FNDC3A: variants seen among roughly 807,000 people sequenced by gnomAD.
FNDC3A encodes fibronectin type-III domain-containing protein 3A.
In FNDC3A, 32 loss-of-function variants were observed where a neutral mutation model predicts 148.9. The ratio of observed to expected loss-of-function variants is 0.21; its 90% CI spans 0.16 to 0.29. The LOEUF is 0.29. Among genes scored for constraint, FNDC3A ranks in the 10% least tolerant of loss-of-function variants. The pLI, the probability that FNDC3A is intolerant of heterozygous loss-of-function variation, is 1.00. For synonymous variants in FNDC3A, 472 were observed against 473.6 expected, an observed-to-expected ratio of 1.00 and a Z score of 0.04; for missense variants, 1,191 against 1,452.8, an observed-to-expected ratio of 0.82 and a Z score of 2.93.
rs201899087 is a variant in FNDC3A, at chr13:49,120,051, GGT to G, written c.252+5321_252+5322del. Among the ~76,000 whole-genome samples the G allele has an allele frequency of 9.5e-3, 1,446 of 152,170 alleles. 13 individuals are homozygous for G. The highest frequency in any genetic ancestry group is 0.023 in the African/African-American group (937 of 41,508). On this transcript the variant is annotated intron_variant, in intron 4 of 25. Coordinates refer to ENST00000492622, the MANE Select transcript of FNDC3A (RefSeq NM_001079673.2). ...GACACGTAATTGTCAGATTCACCAA[GGT>G]AGACATGAAGGAAAAAATGTTAAGG... is the stretch of plus-strand genomic sequence containing the variant.
intron 3 of FNDC3A, among the ~76,000 whole-genome samples, chr13:49,080,878 T>C (rs969802862): frequency 2.3e-4 from 35 of 152,230 alleles, no homozygotes; most frequent in Non-Finnish European, 1.8e-4. Flanking sequence ...TCATCTGTTC[T>C]GTGAAGCCCT....
intron 2 of FNDC3A, among the ~76,000 whole-genome samples, chr13:49,028,034 G>A (rs908781246): frequency 3.9e-5 from 6 of 151,962 alleles, no homozygotes; most frequent in Non-Finnish European, 7.4e-5. Context: ...CTAACATGGC[G>A]AAATCCTGTG....
intron 3 of FNDC3A, chr13:49,095,419 A>G (rs1346404903): frequency 6.6e-6 from 1 of 152,072 alleles, no homozygotes; most frequent in African/African-American, 2.4e-5. Context: ...GGTGTTTACA[A>G]CTAATTGATC....
Position 49,198,453 on chromosome 13 carries a change from C to T in FNDC3A, c.2866C>T (p.Arg956Cys), listed in dbSNP as rs987012616. 15 of 1,613,974 alleles carry T rather than the reference C, an allele frequency of 9.3e-6. No individual in the cohort carries two copies. The highest frequency in any genetic ancestry group is 5.5e-5 in the South Asian group (5 of 91,084). Residue 956 changes from arginine to cysteine, a missense_variant, in exon 23 of 26, where the codon CGT (arginine) becomes TGT (cysteine). Coordinates refer to ENST00000492622, the MANE Select transcript of FNDC3A (RefSeq NM_001079673.2). ...TAAGCCTCTCCCTCCTGATCCACCT[C>T]GTCTGGAATGTGTTGCCTTTAGCCA... The part of the protein sequence containing the change: ...KTKPLPPDPP[R>C]LECVAFSHQN...
chr13:49,110,235 C>T (rs1229324006), intron 3 of FNDC3A: 13 of 813,962 alleles, frequency 1.6e-5, no homozygotes, highest in Middle Eastern at 4.9e-4. Context: ...TTTCCTGGGT[C>T]ACTGCAGGTC....
At chr13:49,126,959 G>T (rs1881737372) in intron 4 of FNDC3A, among the ~76,000 whole-genome samples, 1 of 152,180 alleles carries the variant, frequency 6.6e-6, no homozygotes, top group Non-Finnish European at 1.5e-5. Context: ...ACCTAGGGAA[G>T]AGTTCATGGA....
intron 2 of FNDC3A, among the ~76,000 whole-genome samples, chr13:49,027,520 T>C (rs1430432338): frequency 6.6e-6 from 1 of 152,186 alleles, no homozygotes; most frequent in Non-Finnish European, 1.5e-5. Context: ...TTATACACTG[T>C]TGGTTGGCTT....
rs1199807995 is a variant in FNDC3A, at chr13:49,061,411, C to T, written c.100-13878C>T. On this transcript the variant is annotated intron_variant, in intron 2 of 25. Coordinates refer to ENST00000492622, the MANE Select transcript of FNDC3A (RefSeq NM_001079673.2). Reference sequence around the variant, plus strand: ...TCCCTTCCCTCCCCTTCCCTCCCCTCCCCTCCCCTCCCCTCCCCTCCCCTC... The same window carrying T: ...TCCCTTCCCTCCCCTTCCCTCCCCTTCCCTCCCCTCCCCTCCCCTCCCCTC... Among the ~76,000 whole-genome samples the T allele has an allele frequency of 3.5e-3, 17 of 4,834 alleles. 6 individuals are homozygous for T. Among genetic ancestry groups the T allele is most frequent in the Non-Finnish European group, 4.6e-3 (11 of 2,404 alleles). 3.2% of individuals were successfully genotyped at this position (4,834 alleles called of 152,430 possible).
intron 1 of FNDC3A, among the ~76,000 whole-genome samples, chr13:49,003,142 T>C (rs1329332746): frequency 6.6e-6 from 1 of 152,186 alleles, no homozygotes; most frequent in Non-Finnish European, 1.5e-5. Context: ...CTCAGCTCAC[T>C]GCAACCTCCA....
At position 49,086,232 on chromosome 13, in the gene FNDC3A, A is replaced by G. The variant is rs534561869; in HGVS notation, c.175+10868A>G. 2.6e-5 allele frequency among the ~76,000 whole-genome samples: 4 copies of G among 152,214 alleles called. No individual in the cohort carries two copies. In the East Asian group the frequency reaches 7.7e-4, roughly 29 times the overall value. On this transcript the variant is annotated intron_variant, in intron 3 of 25. Transcript: ENST00000492622. ...AATGCATCTGCTGGCTCTTCACTTG[A>G]TGGTGGTTTATTTATAGAAGATGGT...
At chr13:49,063,486 A>T (rs1269705091) in intron 2 of FNDC3A, among the ~76,000 whole-genome samples, 1 of 152,206 alleles carries the variant, frequency 6.6e-6, no homozygotes, top group Non-Finnish European at 1.5e-5. Context: ...CATGGATTCA[A>T]GTTGCCCTGA....
At chr13:49,184,312 C>T (rs1410972503) in intron 14 of FNDC3A, among the ~76,000 whole-genome samples, 1 of 152,136 alleles carries the variant, frequency 6.6e-6, no homozygotes, top group Admixed American at 6.5e-5. Context: ...TAAAAAGTCC[C>T]TCTGGCTTCG....
At chr13:49,106,030 C>T (rs1271948145) in intron 3 of FNDC3A, among the ~76,000 whole-genome samples, 4 of 152,164 alleles carry the variant, frequency 2.6e-5, no homozygotes, top group Non-Finnish European at 5.9e-5. Context: ...TCCTTTTCTC[C>T]CCCTTCACTC....
intron 3 of FNDC3A, among the ~76,000 whole-genome samples, chr13:49,107,137 G>A (rs1243326898): frequency 6.6e-6 from 1 of 152,130 alleles, no homozygotes. Context: ...TTAATGACTT[G>A]CACTATTTTC....
At chr13:49,162,827 A>C (rs1009376676) in intron 8 of FNDC3A, among the ~76,000 whole-genome samples, 2 of 152,156 alleles carry the variant, frequency 1.3e-5, no homozygotes, top group Admixed American at 6.5e-5. Flanking sequence ...TGTTGATGCT[A>C]TTCCTTCCTG....
At chr13:49,020,222 G>A (rs947929600) in intron 2 of FNDC3A, among the ~76,000 whole-genome samples, 4 of 152,108 alleles carry the variant, frequency 2.6e-5, no homozygotes, top group South Asian at 2.1e-4. Flanking sequence ...TGAAGCTAGG[G>A]AAGGAAAATA....
Position 49,207,419 on chromosome 13 carries a change from C to A in FNDC3A, c.*24C>A. On this transcript the variant is annotated 3_prime_UTR_variant, in exon 26 of 26. Coordinates refer to ENST00000492622, the MANE Select transcript of FNDC3A (RefSeq NM_001079673.2). ...GAAAATATAACTTTATTTTTTAACT[C>A]TATTACATTTTATTTTGTCATGTAC... The A allele has an allele frequency of 7.3e-7, 1 of 1,371,466 alleles. No homozygotes were observed. Among genetic ancestry groups the A allele is most frequent in the South Asian group, 1.3e-5 (1 of 76,252 alleles). 85.0% of individuals were successfully genotyped at this position (1,371,466 alleles called of 1,614,324 possible). A position where few individuals can be genotyped will look rare whatever the true frequency, so the allele number is the denominator to read the frequency against.
chr13:49,040,333 C>A (rs1874828899), intron 2 of FNDC3A, among the ~76,000 whole-genome samples: 1 of 152,190 alleles, frequency 6.6e-6, no homozygotes, highest in South Asian at 2.1e-4. Context: ...TAATTTTTAT[C>A]AATTGCCTAC....
intron 3 of FNDC3A, among the ~76,000 whole-genome samples, chr13:49,102,080 C>T (rs112420001): frequency 6.6e-6 from 1 of 151,990 alleles, no homozygotes; most frequent in African/African-American, 2.4e-5. Context: ...TTAAGCATTC[C>T]TCCCACCTCA....
Sources: gnomAD v4.1 joint callset for allele counts (sites outside exome capture counted in the v4.1 genomes callset) on GRCh38, gnomAD v4.1.1 for gene constraint, MANE v1.5 for transcripts, NCBI Gene and HGNC (gene_info 2026-07-23, HGNC 2026-07-21) for gene names.